FANCD2OS: variants seen among roughly 807,000 people sequenced by gnomAD.
The protein encoded by FANCD2OS is FANCD2 opposite strand.
Under a neutral mutation model 13.2 loss-of-function variants are expected in FANCD2OS, and 11 were observed. The ratio of observed to expected loss-of-function variants is 0.83; its 90% CI spans 0.52 to 1.38. The LOEUF (loss-of-function observed/expected upper bound fraction) is 1.38, where lower values mean the gene tolerates loss of function less well. FANCD2OS is among the 40% of genes most tolerant of loss of function. The probability of loss-of-function intolerance (pLI) is 0.00; values close to 1 mark genes in which losing one functional copy is unlikely to be tolerated. For missense variants in FANCD2OS, 217 were observed against 213.9 expected (o/e 1.01, Z -0.09); for synonymous variants, 69 against 84.5 (o/e 0.82, Z 1.01).
intron 2 of FANCD2OS, chr3:10,087,027 T>C (rs1694246981): frequency 8.4e-7 from 1 of 1,190,720 alleles, no homozygotes; most frequent in African/African-American, 1.5e-5. Flanking sequence ...GGATTCTGAT[T>C]AGGCCGTCAA....
intron 2 of FANCD2OS, among the ~76,000 whole-genome samples, chr3:10,092,576 T>C (rs1480175987): frequency 6.6e-6 from 1 of 151,956 alleles, no homozygotes; most frequent in Non-Finnish European, 1.5e-5. Context: ...TAACCCTGAA[T>C]GCCCTCGTTC....
At chr3:10,099,483 G>A, downstream of FANCD2OS, 1 of 321,192 alleles carries the variant, frequency 3.1e-6, no homozygotes, top group Non-Finnish European at 4.8e-6. Flanking sequence ...AATAAACCTG[G>A]GTGCGGTGGC....
At position 10,093,680 on chromosome 3, in the gene FANCD2OS, G is replaced by A. The variant is rs149623709; in HGVS notation, c.*43+10518C>T. Among the ~76,000 whole-genome samples the A allele has an allele frequency of 2.6e-3, 398 of 152,282 alleles. 1 individual carries two copies. Among genetic ancestry groups the A allele is most frequent in the African/African-American group, 8.5e-3 (354 of 41,548 alleles). ...AGTCTATGGGTGGCCTTACAAATGT[G>A]GGATCTGATATCCTGATAATTGCCA... On this transcript the variant is annotated intron_variant, in intron 2 of 2. Coordinates refer to the FANCD2OS transcript ENST00000524279.
intron 2 of FANCD2OS, chr3:10,090,175 T>C (rs1393283855): frequency 1.4e-6 from 1 of 721,028 alleles, no homozygotes; most frequent in African/African-American, 1.7e-5. Context: ...CTAAGGACCC[T>C]AGTGAAAGGA....
chr3:10,082,569 C>T (rs1293199617), intron 2 of FANCD2OS, among the ~76,000 whole-genome samples: 1 of 152,166 alleles, frequency 6.6e-6, no homozygotes, highest in Non-Finnish European at 1.5e-5. Context: ...CCTCCAGCCT[C>T]ACTGAATTAA....
intron 2 of FANCD2OS, among the ~76,000 whole-genome samples, chr3:10,082,642 C>T (rs550414950): frequency 8.7e-4 from 133 of 152,250 alleles, no homozygotes; most frequent in African/African-American, 2.8e-3. Flanking sequence ...CCTGCCAGGA[C>T]CCCCACTCTT....
At chr3:10,088,236 G>A (rs1038454327) in intron 2 of FANCD2OS, among the ~76,000 whole-genome samples, 8 of 152,144 alleles carry the variant, frequency 5.3e-5, no homozygotes, top group East Asian at 1.9e-4. Flanking sequence ...GGGGTGGGAC[G>A]TGTTGAGCCT....
At chr3:10,081,946 T>C (rs748527843) in intron 2 of FANCD2OS, among the ~76,000 whole-genome samples, 1 of 152,214 alleles carries the variant, frequency 6.6e-6, no homozygotes, top group African/African-American at 2.4e-5. Context: ...CTTTTGTTCC[T>C]CAGGGACAGG....
intron 1 of FANCD2OS, among the ~76,000 whole-genome samples, chr3:10,106,649 C>CA (rs1184339223): frequency 6.6e-6 from 1 of 152,202 alleles, no homozygotes; most frequent in Non-Finnish European, 1.5e-5. Flanking sequence ...CACAGTGGCT[C>CA]ACACCTGTAA....
Position 10,088,562 on chromosome 3 carries a change from C to T in FANCD2OS, c.*44-7031G>A, listed in dbSNP as rs55804542. The T allele has an allele frequency of 3.0e-4, 454 of 1,498,212 alleles. 1 individual carries two copies. In the African/African-American group the frequency reaches 5.5e-3, roughly 18 times the overall value. The allele number at this position is 1,498,212 out of a possible 1,614,324, so 92.8% of individuals were successfully genotyped here. ...GCTCTGGTGAGATGTTTGGTTTCTT[C>T]CAATGAGCCAAATAGCTTTTTTCTA... is the stretch of plus-strand genomic sequence containing the variant. On this transcript the variant is annotated intron_variant, in intron 2 of 2. Transcript: ENST00000524279.
At chr3:10,092,380 T>G (rs1010645926) in intron 2 of FANCD2OS, 37 of 794,868 alleles carry the variant, frequency 4.7e-5, no homozygotes, top group Admixed American at 2.9e-4. Flanking sequence ...CTGAGTCGTC[T>G]TCTTCCTTTG....
intron 2 of FANCD2OS, chr3:10,087,359 A>T: frequency 8.2e-7 from 1 of 1,212,760 alleles, no homozygotes; most frequent in South Asian, 1.4e-5. Flanking sequence ...ACATTTTTAC[A>T]TGTAAATCCC....
downstream of FANCD2OS, chr3:10,101,364 C>CT: frequency 3.0e-6 from 2 of 675,902 alleles, no homozygotes; most frequent in Admixed American, 2.9e-5. Flanking sequence ...TGGTAGGATC[C>CT]TTTTTTGTTC....
In FANCD2OS at chr3:10,081,396, T is replaced by TGGAC; in HGVS notation, c.*178_*179insGTCC. 1 of 1,614,152 alleles carries TGGAC rather than the reference T, an allele frequency of 6.2e-7. No individual in the cohort carries two copies. The highest frequency in any genetic ancestry group is 8.5e-7 in the Non-Finnish European group (1 of 1,180,008). On this transcript the variant is annotated 3_prime_UTR_variant, in exon 3 of 3. Coordinates refer to the FANCD2OS transcript ENST00000524279. ...TAGTTGATGGACCAGGAGTGAAAGTTCAGGAGTACCACATAATGTCTTCCT... is the reference window on the plus strand; with the variant it reads ...TAGTTGATGGACCAGGAGTGAAAGTTGGACCAGGAGTACCACATAATGTCTTCCT...
At chr3:10,082,052 T>C (rs552948635) in intron 2 of FANCD2OS, among the ~76,000 whole-genome samples, 1 of 152,330 alleles carries the variant, frequency 6.6e-6, no homozygotes, top group East Asian at 1.9e-4. Flanking sequence ...TAGGCATTTA[T>C]ATCCAACTGC....
In FANCD2OS at chr3:10,094,523, G is replaced by A. The variant is rs549581431; in HGVS notation, c.*43+9675C>T. Among the ~76,000 whole-genome samples the A allele has an allele frequency of 3.9e-5, 6 of 152,222 alleles. No homozygotes were observed. In the South Asian group the frequency reaches 1.2e-3, roughly 32 times the overall value. On this transcript the variant is annotated intron_variant, in intron 2 of 2. Transcript: ENST00000524279. ...CCCAAATTGGACTGAATATTCCAAA[G>A]TAGGCTGAACTCCTCAGGCCCACTC...
At chr3:10,088,749 A>G (rs1694395007) in intron 2 of FANCD2OS, 1 of 1,472,486 alleles carries the variant, frequency 6.8e-7, no homozygotes, top group South Asian at 1.1e-5. Flanking sequence ...GTTAATTCAG[A>G]TCATAGAGGA....
downstream of FANCD2OS, chr3:10,102,997 C>A (rs545317273): frequency 7.6e-6 from 3 of 392,452 alleles, no homozygotes; most frequent in South Asian, 5.6e-5. Flanking sequence ...TGGGTCACCG[C>A]TGTAATCCCA....
At chr3:10,096,202 G>C (rs925474617) in intron 2 of FANCD2OS, 17 of 953,700 alleles carry the variant, frequency 1.8e-5, no homozygotes. Flanking sequence ...CTGTTTGATG[G>C]AACATACCGT....
Sources: allele counts gnomAD v4.1 joint callset (sites outside exome capture counted in the v4.1 genomes callset), GRCh38; gene constraint gnomAD v4.1.1; transcripts MANE v1.5; gene names NCBI Gene and HGNC (gene_info 2026-07-23, HGNC 2026-07-21).